The following ME3 variants were observed in gnomAD, a reference collection of about 807,000 sequenced individuals.
ME3 encodes malic enzyme 3.
Under a neutral mutation model 68.9 loss-of-function variants are expected in ME3, and 48 were observed. The observed-to-expected ratio is 0.70, with a 90% CI of 0.55 to 0.89. ME3 has a LOEUF of 0.89. Among genes scored for constraint, ME3 ranks in the 40% least tolerant of loss-of-function variants. The probability of loss-of-function intolerance (pLI) is 0.00; values close to 1 mark genes in which losing one functional copy is unlikely to be tolerated. For synonymous variants in ME3, 320 were observed against 318.8 expected (o/e 1.00, Z -0.04); for missense variants, 675 against 797.4 (o/e 0.85, Z 1.85).
intron 8 of ME3, among the ~76,000 whole-genome samples, chr11:86,459,126 CAG>C (rs903515622): frequency 6.6e-6 from 1 of 152,240 alleles, no homozygotes; most frequent in East Asian, 1.9e-4. Context: ...TATGGACAAA[CAG>C]AAAGTAGTGA....
chr11:86,464,051 T>G (rs1043777598), intron 8 of ME3: 2 of 435,174 alleles, frequency 4.6e-6, no homozygotes, highest in African/African-American at 4.1e-5. Flanking sequence ...TACCTGAGTT[T>G]GAGTTCTTTT....
At chr11:86,548,253 A>G (rs1262246554) in intron 4 of ME3, among the ~76,000 whole-genome samples, 2 of 152,258 alleles carry the variant, frequency 1.3e-5, no homozygotes, top group African/African-American at 4.8e-5. Flanking sequence ...TGAACTCTGT[A>G]TAATTCAGAC....
chr11:86,523,858 G>A (rs1412441491), intron 4 of ME3, among the ~76,000 whole-genome samples: 1 of 152,116 alleles, frequency 6.6e-6, no homozygotes, highest in African/African-American at 2.4e-5. Context: ...TGTCCAAATA[G>A]AATATCACTT....
At position 86,450,010 on chromosome 11, in the gene ME3, G is replaced by C; in HGVS notation, c.1018-8C>G. The C allele has an allele frequency of 6.3e-7, 1 of 1,586,174 alleles. No homozygotes were observed. Among genetic ancestry groups the C allele is most frequent in the Non-Finnish European group, 8.6e-7 (1 of 1,158,890 alleles). On this transcript the variant is annotated splice_region_variant and splice_polypyrimidine_tract_variant and intron_variant, in intron 9 of 14. Transcript: ENST00000543262. Reference sequence around the variant, plus strand: ...GGCAATGCCCATAGCTGCCTGGAAGGTACCATAGGGTAGATGTTCAGACAC... The same window carrying C: ...GGCAATGCCCATAGCTGCCTGGAAGCTACCATAGGGTAGATGTTCAGACAC...
At position 86,593,871 on chromosome 11, in the gene ME3, C is replaced by A. The variant is rs781383243; in HGVS notation, c.184-34048G>T. Among the ~76,000 whole-genome samples the A allele has an allele frequency of 4.8e-4, 70 of 146,344 alleles. 6 individuals are homozygous for A. The highest frequency in any genetic ancestry group is 8.0e-4 in the Non-Finnish European group (54 of 67,122). On this transcript the variant is annotated intron_variant, in intron 2 of 14. Coordinates refer to ENST00000543262, the Ensembl canonical transcript of ME3. Reference sequence around the variant, plus strand: ...ACACAGCAAGCTTTATCTAGTAATTCCTGTTTTATATAATTGTTTCCAAAC... The same window carrying A: ...ACACAGCAAGCTTTATCTAGTAATTACTGTTTTATATAATTGTTTCCAAAC...
At chr11:86,667,521 A>C (rs533265575) in intron 2 of ME3, among the ~76,000 whole-genome samples, 7 of 152,236 alleles carry the variant, frequency 4.6e-5, no homozygotes, top group Non-Finnish European at 1.0e-4. Flanking sequence ...GGGCCATGAC[A>C]TGATTGAAAT....
At chr11:86,549,651 C>G (rs1018003076) in intron 4 of ME3, among the ~76,000 whole-genome samples, 1 of 152,210 alleles carries the variant, frequency 6.6e-6, no homozygotes, top group African/African-American at 2.4e-5. Context: ...CTATTATTGA[C>G]ATCACATGAG....
intron 8 of ME3, among the ~76,000 whole-genome samples, chr11:86,454,034 C>T (rs1328612221): frequency 2.6e-5 from 4 of 152,074 alleles, no homozygotes; most frequent in Non-Finnish European, 5.9e-5. Flanking sequence ...ACAGAGAGCT[C>T]ACAATAAAGT....
chr11:86,540,486 AG>A (rs768655484), intron 4 of ME3, among the ~76,000 whole-genome samples: 2 of 152,178 alleles, frequency 1.3e-5, no homozygotes, highest in Admixed American at 1.3e-4. Flanking sequence ...GACACACCCC[AG>A]ATAGGACCTT....
At chr11:86,538,328 T>C (rs1955825506) in intron 4 of ME3, among the ~76,000 whole-genome samples, 1 of 152,204 alleles carries the variant, frequency 6.6e-6, no homozygotes, top group African/African-American at 2.4e-5. Context: ...CTGCCTCCTC[T>C]GAACCGCTTG....
At chr11:86,545,467 A>G (rs1956306182) in intron 4 of ME3, among the ~76,000 whole-genome samples, 1 of 152,246 alleles carries the variant, frequency 6.6e-6, no homozygotes, top group African/African-American at 2.4e-5. Context: ...AACTTCAGCA[A>G]AGTCTCAGGA....
Position 86,494,042 on chromosome 11 carries a change from C to T in ME3, c.705+3921G>A, listed in dbSNP as rs377709417. 2.5e-4 allele frequency among the ~76,000 whole-genome samples: 33 copies of T among 130,132 alleles called. 1 individual carries two copies. The highest frequency in any genetic ancestry group is 4.0e-3 in the Middle Eastern group (1 of 248). The allele number at this position is 130,132 out of a possible 152,430, so 85.4% of individuals were successfully genotyped here. ...ACTTCTGGGGGGAATATCTTGCAAA[C>T]GGTTTCATTGAAAAAAAAAAAAGGA... On this transcript the variant is annotated intron_variant, in intron 6 of 14. Coordinates refer to ENST00000543262, the Ensembl canonical transcript of ME3.
At chr11:86,509,584 G>A (rs546212635) in intron 4 of ME3, among the ~76,000 whole-genome samples, 8 of 152,292 alleles carry the variant, frequency 5.3e-5, no homozygotes, top group Middle Eastern at 3.4e-3. Context: ...GCAACAGGAG[G>A]CCAAAGTCTT....
intron 2 of ME3, among the ~76,000 whole-genome samples, chr11:86,595,579 A>G (rs1959291217): frequency 6.6e-6 from 1 of 152,120 alleles, no homozygotes; most frequent in African/African-American, 2.4e-5. Context: ...TTGAAAGGTC[A>G]GGTAAGAAGG....
At chr11:86,624,126 C>T (rs1038281139) in intron 2 of ME3, among the ~76,000 whole-genome samples, 4 of 152,144 alleles carry the variant, frequency 2.6e-5, no homozygotes, top group Non-Finnish European at 4.4e-5. Context: ...GTGGGGCAGC[C>T]ATGTTCCCCA....
chr11:86,671,867 T>C (rs752712402), exon 2 of ME3: 1 of 1,573,542 alleles, frequency 6.4e-7, no homozygotes, highest in Non-Finnish European at 8.6e-7. Flanking sequence ...GCGCGGTGGG[T>C]GTCCAGCGCG....
intron 4 of ME3, among the ~76,000 whole-genome samples, chr11:86,546,854 GAC>G (rs1956389558): frequency 6.6e-6 from 1 of 152,114 alleles, no homozygotes; most frequent in Admixed American, 6.5e-5. Context: ...CCACTATAAA[GAC>G]ACATGCACAC....
At chr11:86,553,880 G>A (rs1956808254) in intron 4 of ME3, among the ~76,000 whole-genome samples, 1 of 152,192 alleles carries the variant, frequency 6.6e-6, no homozygotes, top group African/African-American at 2.4e-5. Flanking sequence ...GTCCGAAACT[G>A]TAAGAGGCAG....
chr11:86,514,146 C>T (rs1953728318), intron 4 of ME3, among the ~76,000 whole-genome samples: 1 of 152,182 alleles, frequency 6.6e-6, no homozygotes, highest in Non-Finnish European at 1.5e-5. Flanking sequence ...GCATTTCTCT[C>T]TCCTGCAACC....
Sources: allele counts gnomAD v4.1 joint callset (sites outside exome capture counted in the v4.1 genomes callset), GRCh38; gene constraint gnomAD v4.1.1; transcripts MANE v1.5; gene names NCBI Gene and HGNC (gene_info 2026-07-23, HGNC 2026-07-21).